The following PTER variants were observed in gnomAD, a reference collection of about 807,000 sequenced individuals.
The protein encoded by PTER is phosphotriesterase related.
In PTER, 38 loss-of-function variants were observed where a neutral mutation model predicts 29.6. The observed-to-expected ratio is 1.28, with a 90% CI of 0.99 to 1.68. PTER has a LOEUF of 1.68. Ranked by LOEUF, PTER falls within the 40% of genes most tolerant of loss-of-function variation. The pLI is 0.00. For missense variants in PTER, 482 were observed against 427.8 expected (o/e 1.13, Z -1.12); for synonymous variants, 172 against 154.5 (o/e 1.11, Z -0.84).
intron 3 of PTER, among the ~76,000 whole-genome samples, chr10:16,500,731 T>A (rs570419747): frequency 6.6e-6 from 1 of 152,114 alleles, no homozygotes; most frequent in South Asian, 2.1e-4. Flanking sequence ...CATCTTTTAT[T>A]TTTTATTTGT....
At chr10:16,502,371 A>G (rs941285416) in intron 3 of PTER, among the ~76,000 whole-genome samples, 3 of 152,170 alleles carry the variant, frequency 2.0e-5, no homozygotes, top group African/African-American at 7.2e-5. Context: ...CTATAGAAAA[A>G]CACATATTCT....
chr10:16,463,445 C>T (rs1475828831), intron 1 of PTER, among the ~76,000 whole-genome samples: 1 of 152,096 alleles, frequency 6.6e-6, no homozygotes, highest in Non-Finnish European at 1.5e-5. Context: ...AAGTCTCGCT[C>T]TTATCACCCA....
intron 1 of PTER, among the ~76,000 whole-genome samples, chr10:16,468,644 C>T (rs566881529): frequency 6.6e-6 from 1 of 152,060 alleles, no homozygotes; most frequent in Non-Finnish European, 1.5e-5. Flanking sequence ...ATGTGACTCA[C>T]CGCAACGAGC....
chr10:16,516,999 A>G (rs1341614493), downstream of PTER, among the ~76,000 whole-genome samples: 1 of 152,218 alleles, frequency 6.6e-6, no homozygotes, highest in Non-Finnish European at 1.5e-5. Context: ...CTCTAAAGAT[A>G]TAACAGGACT....
At chr10:16,475,094 C>T (rs910141665) in intron 1 of PTER, among the ~76,000 whole-genome samples, 1 of 152,166 alleles carries the variant, frequency 6.6e-6, no homozygotes, top group African/African-American at 2.4e-5. Context: ...AAGCCTTTAC[C>T]TTCATCAGTT....
intron 1 of PTER, among the ~76,000 whole-genome samples, chr10:16,475,563 T>C (rs1425538354): frequency 6.6e-6 from 1 of 152,132 alleles, no homozygotes; most frequent in Non-Finnish European, 1.5e-5. Context: ...TTATTCACAT[T>C]CTGTTGGTTA....
chr10:16,461,462 A>G (rs1834610189), intron 1 of PTER, among the ~76,000 whole-genome samples: 1 of 152,178 alleles, frequency 6.6e-6, no homozygotes, highest in African/African-American at 2.4e-5. Flanking sequence ...CATCTCAAAG[A>G]CCAGGAAAGA....
intron 1 of PTER, among the ~76,000 whole-genome samples, chr10:16,477,108 T>G (rs1835298304): frequency 6.6e-6 from 1 of 152,056 alleles, no homozygotes; most frequent in African/African-American, 2.4e-5. Flanking sequence ...CTGGCCATAT[T>G]GCACAGGCTG....
At chr10:16,482,314 T>C (rs1211447477) in intron 1 of PTER, among the ~76,000 whole-genome samples, 1 of 152,198 alleles carries the variant, frequency 6.6e-6, no homozygotes. Context: ...GTGTGTACTA[T>C]ACCCTTCACA....
At chr10:16,468,246 G>A (rs1359960395) in intron 1 of PTER, among the ~76,000 whole-genome samples, 2 of 152,150 alleles carry the variant, frequency 1.3e-5, no homozygotes, top group African/African-American at 4.8e-5. Context: ...GAAGGCCGAG[G>A]CAGGAGAATC....
chr10:16,451,294 C>T (rs150674397), intron 1 of PTER, among the ~76,000 whole-genome samples: 302 of 152,310 alleles, frequency 2.0e-3, no homozygotes, highest in African/African-American at 7.1e-3. Context: ...ACTCCCCGTC[C>T]ACTGACTCAA....
chr10:16,516,012 T>C (rs1049278064), downstream of PTER, among the ~76,000 whole-genome samples: 2 of 152,158 alleles, frequency 1.3e-5, no homozygotes, highest in African/African-American at 2.4e-5. Context: ...TTAAATTTTC[T>C]TGTGATATAG....
chr10:16,514,164 CAT>C (rs1361633249), downstream of PTER: 3 of 398,798 alleles, frequency 7.5e-6, no homozygotes, highest in Non-Finnish European at 1.3e-5. Context: ...CCAAAGCTGA[CAT>C]ATGGATAAAA....
At position 16,512,666 on chromosome 10, in the gene PTER, A is replaced by G. The variant is rs147986828; in HGVS notation, c.*1410A>G. ...GATCAAGCTTTCTGTGTATTGGAAC[A>G]GAAAGTAACAAAGAGGAATGAGCCA... is the stretch of plus-strand genomic sequence containing the variant. On this transcript the variant is annotated 3_prime_UTR_variant, in exon 5 of 5. Coordinates refer to ENST00000535784, the MANE Select transcript of PTER (RefSeq NM_001261836.2). The G allele has an allele frequency of 2.6e-5, 4 of 152,284 alleles. No homozygotes were observed. The highest frequency in any genetic ancestry group is 9.6e-5 in the African/African-American group (4 of 41,572). 9.4% of individuals were successfully genotyped at this position (152,284 alleles called of 1,614,324 possible).
rs776782298 is a variant in PTER at position 16,484,503 on chromosome 10, C to T, written c.119C>T (p.Pro40Leu). The T allele has an allele frequency of 3.7e-6, 6 of 1,614,036 alleles. No individual in the cohort carries two copies. Among genetic ancestry groups the T allele is most frequent in the Non-Finnish European group, 5.1e-6 (6 of 1,180,000 alleles). The change falls in exon 2 of 5, where the codon CCT becomes CTT. Residue 40 changes from proline to leucine, a missense_variant. Transcript: ENST00000535784. ...ACCTTTGACTGCTGTTACTGTCCAC[C>T]TCCCCCGTGCCAGGAAGCTATTTCC... ...AMTFDCCYCPPPPCQEAISKE... is the reference protein window; with the variant it reads ...AMTFDCCYCPLPPCQEAISKE...
chr10:16,440,260 G>T (rs1421139822), intron 1 of PTER, among the ~76,000 whole-genome samples: 1 of 151,468 alleles, frequency 6.6e-6, no homozygotes, highest in African/African-American at 2.4e-5. Flanking sequence ...TAGAGACGGG[G>T]TTTCATCATG....
Position 16,490,280 on chromosome 10 carries a change from G to A in PTER, c.698+3663G>A, listed in dbSNP as rs115986381. 9.3e-4 allele frequency among the ~76,000 whole-genome samples: 141 copies of A among 152,266 alleles called. 1 individual carries two copies. Among genetic ancestry groups the A allele is most frequent in the African/African-American group, 3.3e-3 (137 of 41,572 alleles). On this transcript the variant is annotated intron_variant, in intron 3 of 4. Transcript: ENST00000535784. ...ACTTGAAGTACGGTTTCTAGTGAAT[G>A]TGTATTGCATTCACGCCATTGTAAA...
intron 4 of PTER, among the ~76,000 whole-genome samples, chr10:16,505,900 T>C (rs942680633): frequency 3.3e-5 from 5 of 152,130 alleles, no homozygotes; most frequent in African/African-American, 1.2e-4. Flanking sequence ...TTGTATGTGA[T>C]AGTTGAACCG....
At chr10:16,460,053 T>C (rs1007434535) in intron 1 of PTER, among the ~76,000 whole-genome samples, 1 of 152,068 alleles carries the variant, frequency 6.6e-6, no homozygotes, top group African/African-American at 2.4e-5. Context: ...CAGCCCAGGG[T>C]TATATTTATT....
Sources: gnomAD v4.1 joint callset for allele counts (sites outside exome capture counted in the v4.1 genomes callset) on GRCh38, gnomAD v4.1.1 for gene constraint, MANE v1.5 for transcripts, NCBI Gene and HGNC (gene_info 2026-07-23, HGNC 2026-07-21) for gene names.